Variants in TBCD observed in about 807,000 individuals in gnomAD.
TBCD encodes the protein tubulin-specific chaperone D.
A neutral mutation model predicts 169.3 loss-of-function variants in TBCD; 105 were observed. The ratio of observed to expected loss-of-function variants is 0.62; its 90% CI spans 0.53 to 0.73. TBCD has a LOEUF of 0.73. Among genes scored for constraint, TBCD ranks in the 30% least tolerant of loss-of-function variants. The pLI is 0.00. For missense variants in TBCD, 1,444 were observed against 1,600.1 expected, an observed-to-expected ratio of 0.90 and a Z score of 1.66; for synonymous variants, 700 against 643.9, an observed-to-expected ratio of 1.09 and a Z score of -1.32.
chr17:82,907,518 A>G lies in TBCD; in HGVS notation c.1923-243A>G, dbSNP rs547296417. Among the ~76,000 whole-genome samples the G allele has an allele frequency of 2.0e-5, 3 of 152,348 alleles. No individual in the cohort carries two copies. In the South Asian group the frequency reaches 6.2e-4, roughly 32 times the overall value. On this transcript the variant is annotated intron_variant, in intron 20 of 38. Transcript: ENST00000355528. ...GGCAACATAGTGAGACCCCATCTCT[A>G]AAATAACAAAAGAATGCAATGTAAA...
At chr17:82,921,857 A>G (rs575243168) in intron 25 of TBCD, among the ~76,000 whole-genome samples, 22 of 152,324 alleles carry the variant, frequency 1.4e-4, no homozygotes, top group Admixed American at 1.3e-3. Flanking sequence ...TTCTGCATCA[A>G]TAGTAACTGT....
chr17:82,756,044 T>G, intron 1 of TBCD, 121 bp from the exon 2 acceptor site: 4 of 860,836 alleles, frequency 4.6e-6, no homozygotes, highest in Non-Finnish European at 7.5e-6. Flanking sequence ...GGTGTGCTCT[T>G]GAGAGCTGGG....
intron 7 of TBCD, among the ~76,000 whole-genome samples, chr17:82,788,972 C>T (rs1420362816): frequency 6.6e-6 from 1 of 152,166 alleles, no homozygotes; most frequent in Non-Finnish European, 1.5e-5. Context: ...TTTGATTTCT[C>T]TTCAGATTTG....
intron 24 of TBCD, 103 bp from the exon 25 acceptor site, chr17:82,921,398 C>A: frequency 1.1e-6 from 1 of 930,200 alleles, no homozygotes; most frequent in Non-Finnish European, 1.8e-6. Flanking sequence ...TCAAAGGTTA[C>A]CATCGACTTT....
Position 82,943,722 on chromosome 17 carries a change from C to T in TBCD, c.*1259C>T, listed in dbSNP as rs143355212. 4 of 152,378 alleles carry T rather than the reference C, an allele frequency of 2.6e-5. No individual in the cohort carries two copies. The highest frequency in any genetic ancestry group is 5.9e-5 in the Non-Finnish European group (4 of 68,042). The allele number at this position is 152,378 out of a possible 1,614,324, so 9.4% of individuals were successfully genotyped here. A position where few individuals can be genotyped will look rare whatever the true frequency, so the allele number is the denominator to read the frequency against. On this transcript the variant is annotated 3_prime_UTR_variant, in exon 39 of 39. Transcript: ENST00000355528. ...TGGCCACACAGGAGTGTGGGGTTAA[C>T]ACACTACTGTTGTTGTGTTTGACCT... is the stretch of plus-strand genomic sequence containing the variant.
chr17:82,814,711 TAGTGAGCCTTA>T, intron 12 of TBCD, 118 bp from the exon 13 acceptor site: 1 of 845,254 alleles, frequency 1.2e-6, no homozygotes, highest in South Asian at 1.6e-5. Flanking sequence ...GAATGGGTTT[TAGTGAGCCTTA>T]CGTGAGCCTT....
intron 5 of TBCD, among the ~76,000 whole-genome samples, chr17:82,772,055 C>T (rs1414839189): frequency 6.6e-6 from 1 of 152,198 alleles, no homozygotes; most frequent in Non-Finnish European, 1.5e-5. Flanking sequence ...AACAGGGCCT[C>T]TTATCTAGTC....
intron 2 of TBCD, among the ~76,000 whole-genome samples, chr17:82,757,515 G>C (rs1409044365): frequency 6.6e-6 from 1 of 151,946 alleles, no homozygotes; most frequent in Non-Finnish European, 1.5e-5. Flanking sequence ...CCAGTTACTT[G>C]GGAGGCTGAG....
intron 7 of TBCD, among the ~76,000 whole-genome samples, chr17:82,786,714 C>T (rs557141041): frequency 6.6e-4 from 101 of 152,232 alleles, no homozygotes; most frequent in Non-Finnish European, 1.2e-3. Flanking sequence ...TGGAGGGCTC[C>T]ACGGTGTCCC....
chr17:82,823,321 C>T (rs765132265), intron 13 of TBCD, among the ~76,000 whole-genome samples: 17 of 152,230 alleles, frequency 1.1e-4, no homozygotes, highest in African/African-American at 3.9e-4. Flanking sequence ...GGTCTGAGCA[C>T]GTCCTGACAT....
At chr17:82,881,079 C>T (rs2058321944) in intron 14 of TBCD, among the ~76,000 whole-genome samples, 1 of 152,174 alleles carries the variant, frequency 6.6e-6, no homozygotes. Flanking sequence ...TGGGCTCCAT[C>T]CTTCTGTTTT....
At chr17:82,924,597 T>A (rs1358667572) in intron 26 of TBCD, among the ~76,000 whole-genome samples, 1 of 152,226 alleles carries the variant, frequency 6.6e-6, no homozygotes, top group East Asian at 1.9e-4. Context: ...CCACTTAAAA[T>A]TATTATAAGT....
chr17:82,817,655 C>G (rs2052040057), intron 13 of TBCD, among the ~76,000 whole-genome samples: 1 of 152,154 alleles, frequency 6.6e-6, no homozygotes, highest in Non-Finnish European at 1.5e-5. Flanking sequence ...CTATGTGGCC[C>G]AGGCTCGTCT....
chr17:82,871,024 A>G (rs2057519021), intron 14 of TBCD, among the ~76,000 whole-genome samples: 1 of 152,230 alleles, frequency 6.6e-6, no homozygotes, highest in South Asian at 2.1e-4. Flanking sequence ...TCTGGGAGGT[A>G]GGGAGACACT....
chr17:82,794,274 G>A (rs1042929414), intron 7 of TBCD, among the ~76,000 whole-genome samples: 1 of 152,192 alleles, frequency 6.6e-6, no homozygotes, highest in Admixed American at 6.5e-5. Context: ...AAGCTGGCTC[G>A]CACGTTGCAG....
chr17:82,932,134 T>G (rs1185247793), intron 33 of TBCD: 1 of 170,746 alleles, frequency 5.9e-6, no homozygotes, highest in African/African-American at 2.4e-5. Context: ...GGCACAGATT[T>G]TTCTGGTGTG....
intron 23 of TBCD, among the ~76,000 whole-genome samples, chr17:82,912,653 CGTGGTCTGA>C (rs146936589): frequency 0.012 from 1,862 of 151,812 alleles, 54 homozygotes; most frequent in African/African-American, 0.043. Context: ...CTGAGGTCTG[CGTGGTCTGA>C]GCAGAGGAGA....
intron 13 of TBCD, among the ~76,000 whole-genome samples, chr17:82,827,870 C>CA (rs2053021500): frequency 7.6e-6 from 1 of 131,564 alleles, no homozygotes; most frequent in Admixed American, 7.6e-5. Context: ...CACACCCCCC[C>CA]ACAGGCACAC....
intron 16 of TBCD, among the ~76,000 whole-genome samples, chr17:82,892,400 C>T (rs889546424): frequency 1.3e-5 from 2 of 152,202 alleles, no homozygotes; most frequent in African/African-American, 4.8e-5. Context: ...GAAGGATGCT[C>T]ATGCTGTCAC....
Sources: allele counts gnomAD v4.1 joint callset (sites outside exome capture counted in the v4.1 genomes callset), GRCh38; gene constraint gnomAD v4.1.1; transcripts MANE v1.5; gene names NCBI Gene and HGNC (gene_info 2026-07-23, HGNC 2026-07-21).